Variants in ATRNL1 observed in about 807,000 individuals in gnomAD.
ATRNL1 encodes attractin-like protein 1.
ATRNL1 carries 95 observed loss-of-function variants against 182.7 expected under a neutral mutation model. The observed-to-expected ratio is 0.52, with a 90% CI of 0.44 to 0.62. The LOEUF (loss-of-function observed/expected upper bound fraction) is 0.62. Among genes scored for constraint, ATRNL1 ranks in the 20% least tolerant of loss-of-function variants. ATRNL1 has a pLI of 0.00. For synonymous variants in ATRNL1, 576 were observed against 568.3 expected (o/e 1.01, Z -0.19); for missense variants, 1,471 against 1,679.5 (o/e 0.88, Z 2.17).
Position 115,647,410 on chromosome 10 carries a change from C to T in ATRNL1, c.3796-79838C>T, listed in dbSNP as rs1486089647. ...ACAATGGTTAAACTAGTTTACAGTC[C>T]CACCAACAGTGTAAAAGCGTTCCTA... On this transcript the variant is annotated intron_variant, in intron 26 of 28. Transcript: ENST00000355044. Among the ~76,000 whole-genome samples the T allele has an allele frequency of 2.6e-5, 4 of 152,118 alleles. No individual in the cohort carries two copies. The East Asian group carries it at 7.7e-4, about 29-fold the overall frequency.
chr10:115,856,428 C>CAAAGAAAAAAAAAAAAAAAAA (rs1951184138), intron 28 of ATRNL1, among the ~76,000 whole-genome samples: 1 of 22,536 alleles, frequency 4.4e-5, no homozygotes, highest in Non-Finnish European at 8.2e-5. Flanking sequence ...AGCTCCATCT[C>CAAAGAAAAAAAAAAAAAAAAA]AAAAAAAAAA....
intron 19 of ATRNL1, among the ~76,000 whole-genome samples, chr10:115,373,601 A>G (rs1421289398): frequency 2.0e-5 from 3 of 152,126 alleles, no homozygotes; most frequent in African/African-American, 7.2e-5. Flanking sequence ...TAGTTGTTCT[A>G]CATCTACTGA....
rs1554936015 is a variant in ATRNL1, at chr10:115,334,348, C to T, written c.3104C>T (p.Thr1035Ile). ...GTGTGCGAACAGTGTAAAAATCTCACCACAGGAAAGCAGTGTCAAGATTGT... is the reference window on the plus strand; with the variant it reads ...GTGTGCGAACAGTGTAAAAATCTCATCACAGGAAAGCAGTGTCAAGATTGT... ...NNVCEQCKNL[T>I]TGKQCQDCMP... Residue 1035 changes from threonine (T) to isoleucine (I), a missense_variant, in exon 19 of 29, where the codon ACC (threonine) becomes ATC (isoleucine). By Grantham distance (89) the Thr-to-Ile change is moderately conservative. Transcript: ENST00000355044. 6 of 1,605,284 alleles carry T rather than the reference C, an allele frequency of 3.7e-6. No individual in the cohort carries two copies. Among genetic ancestry groups the T allele is most frequent in the Non-Finnish European group, 1.7e-6 (2 of 1,173,674 alleles).
intron 17 of ATRNL1, among the ~76,000 whole-genome samples, chr10:115,308,431 G>GT (rs1853845924): frequency 6.6e-6 from 1 of 151,932 alleles, no homozygotes; most frequent in Non-Finnish European, 1.5e-5. Context: ...TGAGGATAAG[G>GT]TGTTATCTCA....
intron 26 of ATRNL1, among the ~76,000 whole-genome samples, chr10:115,612,174 C>T (rs1857196149): frequency 6.6e-6 from 1 of 151,944 alleles, no homozygotes; most frequent in Non-Finnish European, 1.5e-5. Flanking sequence ...ATCGCTTGAA[C>T]CTGAGAGGCG....
chr10:115,269,253 A>C (rs1180304519), intron 13 of ATRNL1, among the ~76,000 whole-genome samples: 2 of 152,230 alleles, frequency 1.3e-5, no homozygotes, highest in Non-Finnish European at 2.9e-5. Flanking sequence ...GCATCTAAAC[A>C]TTCTATGTTA....
At chr10:115,352,773 GC>G (rs1232569537) in intron 19 of ATRNL1, among the ~76,000 whole-genome samples, 2 of 152,124 alleles carry the variant, frequency 1.3e-5, no homozygotes, top group African/African-American at 4.8e-5. Context: ...GGTGGCACAT[GC>G]CTGTAGTCCC....
At position 115,811,635 on chromosome 10, in the gene ATRNL1, C is replaced by G. The variant is rs141135930; in HGVS notation, c.3904-36242C>G. Among the ~76,000 whole-genome samples, 248 of 152,016 alleles carry G rather than the reference C, an allele frequency of 1.6e-3. 4 individuals carry two copies. Among genetic ancestry groups the G allele is most frequent in the African/African-American group, 5.8e-3 (242 of 41,518 alleles). On this transcript the variant is annotated intron_variant, in intron 27 of 28. Coordinates refer to ENST00000355044, the MANE Select transcript of ATRNL1 (RefSeq NM_207303.4). ...TTTTTGCTTCATGTATTTTGAAGCT[C>G]TGTTATCTTTAAGCACATACACATT...
chr10:115,811,243 T>C (rs1183578825), intron 27 of ATRNL1, among the ~76,000 whole-genome samples: 1 of 152,040 alleles, frequency 6.6e-6, no homozygotes, highest in East Asian at 1.9e-4. Context: ...ATCTTTGGCT[T>C]ATTTAGAAGT....
chr10:115,639,792 A>AG (rs201133492), intron 26 of ATRNL1, among the ~76,000 whole-genome samples: 2 of 151,914 alleles, frequency 1.3e-5, no homozygotes, highest in South Asian at 2.1e-4. Context: ...GATGAAAATG[A>AG]GGGGTTTTTT....
chr10:115,767,572 A>AACT (rs1349930775), intron 27 of ATRNL1, among the ~76,000 whole-genome samples: 1 of 152,004 alleles, frequency 6.6e-6, no homozygotes, highest in African/African-American at 2.4e-5. Flanking sequence ...TATTCTCCTA[A>AACT]ACTACTTTTT....
rs192354347 is a variant in ATRNL1, at chr10:115,438,273, G to A, written c.3322+11971G>A. ...TGCCATCTTGCATCTCAGATATAAA[G>A]ATATTTCCAGTATACACCTTGATGA... On this transcript the variant is annotated intron_variant, in intron 21 of 28. Coordinates refer to ENST00000355044, the MANE Select transcript of ATRNL1 (RefSeq NM_207303.4). Among the ~76,000 whole-genome samples the A allele has an allele frequency of 3.7e-3, 568 of 151,930 alleles. 1 individual carries two copies. The highest frequency in any genetic ancestry group is 0.013 in the African/African-American group (546 of 41,514).
intron 20 of ATRNL1, among the ~76,000 whole-genome samples, chr10:115,395,610 T>C (rs1554955341): frequency 6.6e-6 from 1 of 151,834 alleles, no homozygotes; most frequent in African/African-American, 2.4e-5. Context: ...CCAATTCTTG[T>C]CCTTTAACCC....
chr10:115,113,467 C>T (rs1429437036), intron 1 of ATRNL1, among the ~76,000 whole-genome samples: 1 of 152,140 alleles, frequency 6.6e-6, no homozygotes, highest in Non-Finnish European at 1.5e-5. Context: ...CAAATCTTAT[C>T]TTGAATTACC....
intron 9 of ATRNL1, among the ~76,000 whole-genome samples, chr10:115,240,080 C>T (rs1850353618): frequency 6.6e-6 from 1 of 152,142 alleles, no homozygotes; most frequent in Middle Eastern, 3.4e-3. Context: ...TTGCCATAGA[C>T]TATTGCTGTT....
chr10:115,831,363 G>C (rs1479143720), intron 27 of ATRNL1, among the ~76,000 whole-genome samples: 1 of 152,110 alleles, frequency 6.6e-6, no homozygotes, highest in African/African-American at 2.4e-5. Context: ...ACTATTTGAG[G>C]AGAGAGAACT....
intron 5 of ATRNL1, among the ~76,000 whole-genome samples, chr10:115,159,478 T>C (rs1846676845): frequency 1.3e-5 from 2 of 151,544 alleles, no homozygotes; most frequent in Non-Finnish European, 3.0e-5. Context: ...TTTTTCTTTT[T>C]GAGGACTCCA....
intron 27 of ATRNL1, among the ~76,000 whole-genome samples, chr10:115,830,243 T>G (rs189832852): frequency 9.1e-4 from 139 of 152,294 alleles, no homozygotes; most frequent in African/African-American, 3.2e-3. Flanking sequence ...CCTAAGAATA[T>G]GTAGGAAAAA....
chr10:115,439,410 A>AT (rs1305886355), intron 21 of ATRNL1, among the ~76,000 whole-genome samples: 44 of 151,686 alleles, frequency 2.9e-4, no homozygotes, highest in African/African-American at 7.2e-4. Flanking sequence ...ATTGGTTTAC[A>AT]TTTTTTTTGG....
Sources: gnomAD v4.1 joint callset for allele counts (sites outside exome capture counted in the v4.1 genomes callset) on GRCh38, gnomAD v4.1.1 for gene constraint, MANE v1.5 for transcripts, NCBI Gene and HGNC (gene_info 2026-07-23, HGNC 2026-07-21) for gene names.